WWP2: variants seen among roughly 807,000 people sequenced by gnomAD.
WWP2 encodes the protein WW domain containing E3 ubiquitin protein ligase 2.
WWP2 carries 57 observed loss-of-function variants against 121.0 expected under a neutral mutation model. The ratio of observed to expected loss-of-function variants is 0.47; its 90% CI spans 0.38 to 0.59. WWP2 has a LOEUF of 0.59. Ranked by LOEUF, WWP2 falls within the 20% of genes least tolerant of loss-of-function variation. The pLI, the probability that WWP2 is intolerant of heterozygous loss-of-function variation, is 0.00. For missense variants in WWP2, 962 were observed against 1,158.9 expected (o/e 0.83, Z 2.47); for synonymous variants, 449 against 441.3 (o/e 1.02, Z -0.22).
intron 4 of WWP2, among the ~76,000 whole-genome samples, chr16:69,831,401 G>A (rs962817529): frequency 6.6e-6 from 1 of 152,142 alleles, no homozygotes; most frequent in African/African-American, 2.4e-5. Flanking sequence ...TCTGGATTTT[G>A]TAACGGAATT....
At chr16:69,920,934 G>C (rs931956911) in intron 10 of WWP2, among the ~76,000 whole-genome samples, 2 of 152,082 alleles carry the variant, frequency 1.3e-5, no homozygotes, top group African/African-American at 4.8e-5. Flanking sequence ...TGGTCTTTTT[G>C]GAGTCTTCCT....
chr16:69,874,012 C>A (rs1315871883), intron 7 of WWP2, among the ~76,000 whole-genome samples: 1 of 152,050 alleles, frequency 6.6e-6, no homozygotes, highest in African/African-American at 2.4e-5. Flanking sequence ...TCTTCAAAAG[C>A]CAGGCGTCTC....
chr16:69,906,236 CTATTTTTT>C (rs894465467), intron 8 of WWP2, among the ~76,000 whole-genome samples: 4 of 152,066 alleles, frequency 2.6e-5, no homozygotes, highest in Non-Finnish European at 4.4e-5. Context: ...CCATGCCCAG[CTATTTTTT>C]TATATTTTTA....
chr16:69,834,130 G>A (rs148513444), intron 4 of WWP2, among the ~76,000 whole-genome samples: 7 of 152,240 alleles, frequency 4.6e-5, no homozygotes, highest in East Asian at 1.9e-4. Context: ...ACCCTGTAAC[G>A]GAGTCCCGTC....
chr16:69,792,689 T>C (rs1263916722), intron 2 of WWP2, among the ~76,000 whole-genome samples: 2 of 152,188 alleles, frequency 1.3e-5, no homozygotes, highest in African/African-American at 4.8e-5. Context: ...ACATAACTTA[T>C]GTAGTATTCT....
chr16:69,898,051 A>T, intron 8 of WWP2, among the ~76,000 whole-genome samples: 2 of 123,520 alleles, frequency 1.6e-5, no homozygotes, highest in East Asian at 2.7e-4. Context: ...TTTGAGACAG[A>T]GTCTTGCTCT....
intron 4 of WWP2, among the ~76,000 whole-genome samples, chr16:69,800,462 A>T (rs938563520): frequency 2.0e-5 from 3 of 152,174 alleles, no homozygotes; most frequent in African/African-American, 7.2e-5. Context: ...CCCAGCCAAT[A>T]TACTTTTGCT....
intron 8 of WWP2, among the ~76,000 whole-genome samples, chr16:69,905,734 T>C (rs946405605): frequency 3.3e-5 from 5 of 152,268 alleles, no homozygotes. Flanking sequence ...GAGATCAGGA[T>C]TGGGAAGCCA....
chr16:69,798,212 G>A (rs2056087322), intron 2 of WWP2, among the ~76,000 whole-genome samples: 1 of 152,184 alleles, frequency 6.6e-6, no homozygotes. Flanking sequence ...GTATCCTTTG[G>A]AGGAATACTC....
At chr16:69,871,103 T>A (rs941321199) in intron 6 of WWP2, among the ~76,000 whole-genome samples, 4 of 151,764 alleles carry the variant, frequency 2.6e-5, no homozygotes, top group Admixed American at 6.6e-5. Context: ...CTTGGCAACA[T>A]AGCAAGACCC....
intron 2 of WWP2, among the ~76,000 whole-genome samples, chr16:69,793,572 GA>G (rs2055959309): frequency 6.6e-6 from 1 of 152,000 alleles, no homozygotes; most frequent in African/African-American, 2.4e-5. Flanking sequence ...TAGAGGTGTG[GA>G]AAATGGTCCT....
rs2058719084 is a variant in WWP2, at chr16:69,931,794, C to T, written c.1594-8C>T. The T allele has an allele frequency of 1.9e-6, 3 of 1,613,536 alleles. No homozygotes were observed. The highest frequency in any genetic ancestry group is 1.3e-5 in the African/African-American group (1 of 75,028). ...GTGGCAGGCTGGCCCGATGCTCTGT[C>T]TTCCCAGATCATGAACATGAAACCC... On this transcript the variant is annotated splice_polypyrimidine_tract_variant and splice_region_variant and intron_variant, in intron 15 of 23. Coordinates refer to ENST00000359154, the MANE Select transcript of WWP2 (RefSeq NM_001270454.2).
At chr16:69,804,390 C>A (rs2056233280) in intron 4 of WWP2, among the ~76,000 whole-genome samples, 1 of 152,138 alleles carries the variant, frequency 6.6e-6, no homozygotes, top group Non-Finnish European at 1.5e-5. Context: ...AAATAGGGAT[C>A]TAATTCATTT....
chr16:69,811,119 C>G (rs1366456207), intron 4 of WWP2, among the ~76,000 whole-genome samples: 1 of 152,104 alleles, frequency 6.6e-6, no homozygotes, highest in Non-Finnish European at 1.5e-5. Flanking sequence ...CATCTGTTCC[C>G]ACCCACTGGC....
chr16:69,931,170 T>C lies in WWP2; in HGVS notation c.1464T>C (p.Pro488=). 1.2e-6 allele frequency: 2 copies of C among 1,614,224 alleles called. No individual in the cohort carries two copies. Among genetic ancestry groups the C allele is most frequent in the South Asian group, 1.1e-5 (1 of 91,082 alleles). The change falls in exon 14 of 24, where the codon CCT becomes CCC. Residue 488 remains proline (P), a synonymous_variant. Transcript: ENST00000359154. The stretch of plus-strand genomic sequence containing the variant: ...TTCCTAGGACGAAGCAAGGTTCCCC[T>C]GGTGCTTATGACCGCAGTTTTCGGT... ...GFESGTKQGS[P]GAYDRSFRWK... is the part of the protein sequence containing the mutation.
At chr16:69,895,632 C>T (rs1307969995) in intron 8 of WWP2, among the ~76,000 whole-genome samples, 2 of 152,156 alleles carry the variant, frequency 1.3e-5, no homozygotes, top group Admixed American at 1.3e-4. Flanking sequence ...CAGCTGTGTG[C>T]ACCTGTGATC....
intron 4 of WWP2, among the ~76,000 whole-genome samples, chr16:69,825,540 T>G (rs1048596391): frequency 6.6e-6 from 1 of 152,064 alleles, no homozygotes; most frequent in African/African-American, 2.4e-5. Flanking sequence ...ATTTGAATTT[T>G]TTTGATGAGC....
intron 7 of WWP2, among the ~76,000 whole-genome samples, chr16:69,875,641 T>C (rs1323654213): frequency 6.6e-6 from 1 of 152,256 alleles, no homozygotes; most frequent in African/African-American, 2.4e-5. Context: ...TCACTAGAAG[T>C]TGATTCCATC....
At position 69,912,971 on chromosome 16, in the gene WWP2, TATATATATATATATATATATATA is replaced by T. The variant is rs1253012375; in HGVS notation, c.1004+4122_1004+4144del. ...AAAAAAAAAAATATATATATATATA[TATATATATATATATATATATATA>T]TTTTTTTTTTTTTTTTTTTTTTTTT... On this transcript the variant is annotated intron_variant, in intron 9 of 23. Coordinates refer to ENST00000359154, the MANE Select transcript of WWP2 (RefSeq NM_001270454.2). Among the ~76,000 whole-genome samples, 2 of 2,218 alleles carry T rather than the reference TATATATATATATATATATATATA, an allele frequency of 9.0e-4. 1 individual carries two copies. The highest frequency in any genetic ancestry group is 2.4e-3 in the African/African-American group (2 of 836). 1.5% of individuals were successfully genotyped at this position (2,218 alleles called of 152,430 possible).
Sources: allele counts gnomAD v4.1 joint callset (sites outside exome capture counted in the v4.1 genomes callset), GRCh38; gene constraint gnomAD v4.1.1; transcripts MANE v1.5; gene names NCBI Gene and HGNC (gene_info 2026-07-23, HGNC 2026-07-21).